The following DAPK1 variants were observed in gnomAD, a reference collection of about 807,000 sequenced individuals.
DAPK1 encodes death associated protein kinase 1, also known as death-associated protein kinase 1.
A neutral mutation model predicts 144.9 loss-of-function variants in DAPK1; 56 were observed. That is an observed-to-expected ratio of 0.39 (90% CI 0.31 to 0.48). DAPK1 has a LOEUF of 0.48. Ranked by LOEUF, DAPK1 falls within the 20% of genes least tolerant of loss-of-function variation. The pLI is 0.95. For missense variants in DAPK1, 1,454 were observed against 1,875.4 expected, an observed-to-expected ratio of 0.78 and a Z score of 4.15; for synonymous variants, 690 against 749.0, an observed-to-expected ratio of 0.92 and a Z score of 1.29.
chr9:87,677,237 G>A (rs543409474), intron 19 of DAPK1, among the ~76,000 whole-genome samples: 10 of 152,322 alleles, frequency 6.6e-5, no homozygotes, highest in South Asian at 2.1e-4. Flanking sequence ...ATTGCCCTGC[G>A]TGGAATTTGA....
chr9:87,703,095 A>G lies in DAPK1; in HGVS notation c.2938A>G (p.Asn980Asp). The G allele has an allele frequency of 1.9e-6, 3 of 1,600,116 alleles. No individual in the cohort carries two copies. The highest frequency in any genetic ancestry group is 1.1e-5 in the South Asian group (1 of 90,792). ...ISTLPSWRKL[N>D]GPNQLMSLQQ... is the part of the protein sequence containing the mutation. ...CACGCTGCCTTCCTGGAGGAAGCTC[A>G]ATGGACCCAACCAGCTGATGTCGCT... The change falls in exon 25 of 26, where the codon AAT becomes GAT. Residue 980 changes from asparagine to aspartate, a missense_variant. This residue lies in a region of DAPK1 where 1,025 missense variants were observed against 1,237.9 expected (regional missense o/e 0.83). Coordinates refer to ENST00000408954, the MANE Select transcript of DAPK1 (RefSeq NM_004938.4).
intron 2 of DAPK1, among the ~76,000 whole-genome samples, chr9:87,514,193 G>T (rs1329596298): frequency 6.6e-6 from 1 of 152,180 alleles, no homozygotes; most frequent in African/African-American, 2.4e-5. Context: ...AGTGGGCAAA[G>T]AAAACACCCC....
At chr9:87,626,857 A>G (rs1755199874) in intron 3 of DAPK1, among the ~76,000 whole-genome samples, 1 of 152,188 alleles carries the variant, frequency 6.6e-6, no homozygotes, top group African/African-American at 2.4e-5. Flanking sequence ...AAATGTACAT[A>G]AAACAATGCC....
chr9:87,589,436 C>G (rs1828050464), intron 2 of DAPK1, among the ~76,000 whole-genome samples: 1 of 152,158 alleles, frequency 6.6e-6, no homozygotes, highest in Non-Finnish European at 1.5e-5. Context: ...AGGGCCCAGA[C>G]TCGAGCACAG....
At chr9:87,655,364 T>C (rs890814742) in intron 17 of DAPK1, among the ~76,000 whole-genome samples, 2 of 152,060 alleles carry the variant, frequency 1.3e-5, no homozygotes, top group African/African-American at 4.8e-5. Flanking sequence ...GCTATTTTTT[T>C]TTTTAAAGGA....
chr9:87,499,871 T>G (rs201872564), intron 2 of DAPK1, among the ~76,000 whole-genome samples: 172 of 152,318 alleles, frequency 1.1e-3, no homozygotes, highest in African/African-American at 3.9e-3. Flanking sequence ...GCTGTTTCCT[T>G]TGACTGTGTA....
chr9:87,511,474 A>G (rs1824840189), intron 2 of DAPK1, among the ~76,000 whole-genome samples: 1 of 152,156 alleles, frequency 6.6e-6, no homozygotes, highest in African/African-American at 2.4e-5. Context: ...GAAGAGATGC[A>G]TTTAAGGAAG....
chr9:87,538,385 T>C (rs1825930812), intron 2 of DAPK1, among the ~76,000 whole-genome samples: 1 of 152,236 alleles, frequency 6.6e-6, no homozygotes, highest in Non-Finnish European at 1.5e-5. Flanking sequence ...TTCCCAAGCA[T>C]ATCTGTAGAT....
chr9:87,563,998 A>G (rs1827026135), intron 2 of DAPK1, among the ~76,000 whole-genome samples: 1 of 152,036 alleles, frequency 6.6e-6, no homozygotes, highest in South Asian at 2.1e-4. Context: ...TATGTTCTTT[A>G]TTTAGTTTAG....
intron 2 of DAPK1, among the ~76,000 whole-genome samples, chr9:87,574,929 A>G (rs912855237): frequency 6.6e-6 from 1 of 151,764 alleles, no homozygotes; most frequent in Non-Finnish European, 1.5e-5. Flanking sequence ...TCAAAAAAAT[A>G]AAACAAGGCC....
chr9:87,561,868 C>T (rs1251030813), intron 2 of DAPK1, among the ~76,000 whole-genome samples: 2 of 152,130 alleles, frequency 1.3e-5, no homozygotes, highest in African/African-American at 4.8e-5. Flanking sequence ...AGGGTGTCAA[C>T]CAGAGCTGCA....
chr9:87,541,219 A>C (rs1587701790), intron 2 of DAPK1, among the ~76,000 whole-genome samples: 1 of 152,210 alleles, frequency 6.6e-6, no homozygotes, highest in Admixed American at 6.5e-5. Flanking sequence ...TTATGTCCAA[A>C]CCGACTGTAA....
At chr9:87,631,467 G>T (rs11141918) in intron 3 of DAPK1, among the ~76,000 whole-genome samples, 42,949 of 151,958 alleles carry the variant, frequency 0.28, 6,267 homozygotes, top group East Asian at 0.43. Flanking sequence ...AAGAACCATG[G>T]TATTTTCCAG....
intron 3 of DAPK1, among the ~76,000 whole-genome samples, chr9:87,605,851 C>T (rs1011911138): frequency 6.6e-6 from 1 of 152,164 alleles, no homozygotes; most frequent in Admixed American, 6.5e-5. Context: ...CTGAGTGGGG[C>T]CCCACTCCCT....
intron 25 of DAPK1, among the ~76,000 whole-genome samples, chr9:87,705,154 T>A (rs1825593535): frequency 6.6e-6 from 1 of 151,910 alleles, no homozygotes; most frequent in South Asian, 2.1e-4. Flanking sequence ...TTTGAAAATG[T>A]TCTCAAGCCT....
chr9:87,659,868 G>A (rs1044877610), intron 18 of DAPK1, among the ~76,000 whole-genome samples: 8 of 152,220 alleles, frequency 5.3e-5, no homozygotes, highest in South Asian at 4.1e-4. Flanking sequence ...CAGTGAGAGC[G>A]GGGAGTCCAG....
chr9:87,563,787 G>C (rs902793559), intron 2 of DAPK1, among the ~76,000 whole-genome samples: 6 of 152,152 alleles, frequency 3.9e-5, no homozygotes, highest in African/African-American at 1.4e-4. Flanking sequence ...AGGAGGAGGA[G>C]ATGACCTGCC....
intron 3 of DAPK1, among the ~76,000 whole-genome samples, chr9:87,624,992 C>T (rs541027567): frequency 6.4e-4 from 98 of 152,210 alleles, no homozygotes; most frequent in Non-Finnish European, 1.1e-3. Context: ...AAACTACAGC[C>T]GGTGGTCCCG....
intron 2 of DAPK1, among the ~76,000 whole-genome samples, chr9:87,532,830 C>A (rs1825741212): frequency 6.6e-6 from 1 of 152,150 alleles, no homozygotes; most frequent in African/African-American, 2.4e-5. Context: ...CGCCAATTTG[C>A]CCTCCACCCA....
Sources: allele counts gnomAD v4.1 joint callset (sites outside exome capture counted in the v4.1 genomes callset), GRCh38; gene constraint gnomAD v4.1.1; regional missense constraint gnomAD v4.1.1; transcripts MANE v1.5; gene names NCBI Gene and HGNC (gene_info 2026-07-23, HGNC 2026-07-21).